SLC39A10: variants seen among roughly 807,000 people sequenced by gnomAD.
SLC39A10 encodes the protein zinc transporter ZIP10.
SLC39A10 carries 13 observed loss-of-function variants against 65.1 expected under a neutral mutation model. The ratio of observed to expected loss-of-function variants is 0.20; its 90% CI spans 0.13 to 0.32. The LOEUF is 0.32. SLC39A10 is among the 10% of genes least tolerant of loss of function. SLC39A10 has a pLI of 1.00. For missense variants in SLC39A10, 831 were observed against 1,018.4 expected (o/e 0.82, Z 2.50); for synonymous variants, 321 against 342.2 (o/e 0.94, Z 0.68).
At chr2:195,701,435 CTTTTTTTTTTT>C (rs66525117) in intron 3 of SLC39A10, among the ~76,000 whole-genome samples, 1 of 5,500 alleles carries the variant, frequency 1.8e-4, no homozygotes, top group Non-Finnish European at 3.2e-4. Context: ...TTCTGTGATT[CTTTTTTTTTTT>C]TTTTTTTTTT....
At chr2:195,664,787 TAA>T (rs755393069) in intron 1 of SLC39A10, among the ~76,000 whole-genome samples, 15 of 152,220 alleles carry the variant, frequency 9.9e-5, no homozygotes, top group African/African-American at 2.4e-4. Context: ...TGAAAAGTGT[TAA>T]AGTTTTTATA....
intron 1 of SLC39A10, among the ~76,000 whole-genome samples, chr2:195,661,236 CTT>C (rs560814386): frequency 2.0e-3 from 305 of 151,914 alleles, no homozygotes; most frequent in South Asian, 3.7e-3. Context: ...ATTTCAAACT[CTT>C]TTTTTTCTTT....
chr2:195,673,079 T>G (rs1386519746), intron 1 of SLC39A10, among the ~76,000 whole-genome samples: 1 of 152,248 alleles, frequency 6.6e-6, no homozygotes, highest in Non-Finnish European at 1.5e-5. Context: ...TTGGAATTGT[T>G]TTATAGGCTA....
At chr2:195,631,192 A>G (rs1400879556) in intron 2 of SLC39A10, among the ~76,000 whole-genome samples, 1 of 151,754 alleles carries the variant, frequency 6.6e-6, no homozygotes, top group African/African-American at 2.4e-5. Context: ...TCTTAAATAT[A>G]TCTATATATC....
chr2:195,615,491 G>T (rs916498450), intron 2 of SLC39A10, among the ~76,000 whole-genome samples: 2 of 152,134 alleles, frequency 1.3e-5, no homozygotes, highest in African/African-American at 2.4e-5. Flanking sequence ...AAATATACAG[G>T]TGTTTAGTTT....
chr2:195,681,823 T>A (rs1032843305), intron 2 of SLC39A10, among the ~76,000 whole-genome samples: 13 of 152,176 alleles, frequency 8.5e-5, no homozygotes, highest in African/African-American at 3.1e-4. Context: ...TAGAACAGTT[T>A]CTAGTTCATA....
intron 8 of SLC39A10, among the ~76,000 whole-genome samples, chr2:195,719,136 C>CT (rs60108852): frequency 2.0e-4 from 28 of 141,312 alleles, no homozygotes; most frequent in South Asian, 4.6e-4. Flanking sequence ...GGACTTCATT[C>CT]TTTTTTTTTT....
At chr2:195,620,514 TG>T (rs1688328437) in intron 2 of SLC39A10, among the ~76,000 whole-genome samples, 1 of 151,532 alleles carries the variant, frequency 6.6e-6, no homozygotes, top group African/African-American at 2.4e-5. Context: ...GGGTAGTTCA[TG>T]TTGTCTAGAC....
At chr2:195,662,113 C>T (rs1689426830) in intron 1 of SLC39A10, among the ~76,000 whole-genome samples, 1 of 152,148 alleles carries the variant, frequency 6.6e-6, no homozygotes, top group Non-Finnish European at 1.5e-5. Flanking sequence ...GTTATAAGAA[C>T]TGTGAACTAC....
chr2:195,669,255 T>G (rs1468523014), intron 1 of SLC39A10, among the ~76,000 whole-genome samples: 1 of 152,178 alleles, frequency 6.6e-6, no homozygotes, highest in Non-Finnish European at 1.5e-5. Flanking sequence ...AGACAATTTC[T>G]TTTCCCTTAA....
intron 1 of SLC39A10, among the ~76,000 whole-genome samples, chr2:195,669,617 T>C (rs1167012136): frequency 6.6e-6 from 1 of 152,238 alleles, no homozygotes; most frequent in Non-Finnish European, 1.5e-5. Flanking sequence ...GAACTTGTTA[T>C]TTAGGTGTTT....
intron 3 of SLC39A10, among the ~76,000 whole-genome samples, chr2:195,689,250 T>G (rs1690634890): frequency 6.6e-6 from 1 of 152,068 alleles, no homozygotes; most frequent in Non-Finnish European, 1.5e-5. Flanking sequence ...TCTCTATAAA[T>G]AATTTTTACA....
intron 1 of SLC39A10, among the ~76,000 whole-genome samples, chr2:195,671,217 A>T (rs1689845096): frequency 6.6e-6 from 1 of 152,216 alleles, no homozygotes; most frequent in Non-Finnish European, 1.5e-5. Context: ...AAAATAGTAT[A>T]ATAATTAGCA....
Position 195,680,610 on chromosome 2 carries a change from C to A in SLC39A10, c.568C>A (p.His190Asn). The A allele has an allele frequency of 6.2e-7, 1 of 1,614,130 alleles. No individual in the cohort carries two copies. The highest frequency in any genetic ancestry group is 1.7e-5 in the Admixed American group (1 of 60,024). The change falls in exon 2 of 10, where the codon CAT becomes AAT. Residue 190 changes from histidine to asparagine, a missense_variant. By Grantham distance (68) the His-to-Asn change is moderately conservative (BLOSUM62 1). Coordinates refer to ENST00000359634, the MANE Select transcript of SLC39A10 (RefSeq NM_020342.3). ...HHHRLHHHLD[H>N]NNTHHFHNDS... ...CCATCGTTTGCATCATCATCTTGAT[C>A]ATAACAACACTCACCATTTTCATAA...
chr2:195,711,596 A>C (rs567498568), intron 5 of SLC39A10, among the ~76,000 whole-genome samples: 69 of 152,318 alleles, frequency 4.5e-4, no homozygotes, highest in African/African-American at 1.6e-3. Context: ...CTTTTGAAGA[A>C]AGGGAATTAG....
intron 2 of SLC39A10, among the ~76,000 whole-genome samples, chr2:195,626,975 C>G (rs1688487145): frequency 1.3e-5 from 2 of 152,130 alleles, no homozygotes; most frequent in South Asian, 4.1e-4. Context: ...TTCCCATATC[C>G]CTTGGCTGTT....
At chr2:195,676,069 GT>G (rs996267304) in intron 1 of SLC39A10, among the ~76,000 whole-genome samples, 11 of 151,924 alleles carry the variant, frequency 7.2e-5, no homozygotes, top group Non-Finnish European at 1.5e-4. Context: ...TAGTAGTGGA[GT>G]TTTTTTATTA....
chr2:195,732,746 T>G (rs1024693818), intron 9 of SLC39A10, among the ~76,000 whole-genome samples: 1 of 152,200 alleles, frequency 6.6e-6, no homozygotes, highest in Admixed American at 6.5e-5. Flanking sequence ...AGTAGATGGT[T>G]TAGGCTTTGG....
rs1391978304 is a variant in SLC39A10 at position 195,680,501 on chromosome 2, T to C, written c.459T>C (p.Cys153=). 6.2e-7 allele frequency: 1 copy of C among 1,614,060 alleles called. No homozygotes were observed. The highest frequency in any genetic ancestry group is 8.5e-7 in the Non-Finnish European group (1 of 1,180,032). The change falls in exon 2 of 10, where the codon TGT becomes TGC. Residue 153 remains cysteine, a synonymous_variant. Transcript: ENST00000359634. The part of the protein sequence containing the change: ...TSVSTKRNHK[C]DPEKETVEVS... ...TATCCACAAAAAGAAACCATAAATG[T>C]GATCCAGAGAAAGAGACAGTTGAAG...
Sources: allele counts gnomAD v4.1 joint callset (sites outside exome capture counted in the v4.1 genomes callset), GRCh38; gene constraint gnomAD v4.1.1; transcripts MANE v1.5; gene names NCBI Gene and HGNC (gene_info 2026-07-23, HGNC 2026-07-21).